Variants in PLA2R1 observed in about 807,000 individuals in gnomAD.
PLA2R1 encodes secretory phospholipase A2 receptor.
Under a neutral mutation model 195.9 loss-of-function variants are expected in PLA2R1, and 158 were observed. The ratio of observed to expected loss-of-function variants is 0.81; its 90% confidence interval spans 0.71 to 0.92. The LOEUF (loss-of-function observed/expected upper bound fraction) is 0.92. Among genes scored for constraint, PLA2R1 ranks in the 40% least tolerant of loss-of-function variants. The pLI is 0.00. For missense variants in PLA2R1, 1,626 were observed against 1,764.6 expected, an observed-to-expected ratio of 0.92 and a Z score of 1.41; for synonymous variants, 586 against 598.2, an observed-to-expected ratio of 0.98 and a Z score of 0.30.
At chr2:160,029,558 C>A (rs1255888161) in intron 4 of PLA2R1, among the ~76,000 whole-genome samples, 1 of 152,076 alleles carries the variant, frequency 6.6e-6, no homozygotes. Flanking sequence ...GTGGCCCCTC[C>A]TCTTAACCAG....
At chr2:160,054,007 C>T (rs1695382671) in intron 1 of PLA2R1, among the ~76,000 whole-genome samples, 1 of 152,228 alleles carries the variant, frequency 6.6e-6, no homozygotes, top group South Asian at 2.1e-4. Context: ...ATGAAGCTCT[C>T]CTTGTTTGCA....
chr2:160,003,357 T>C (rs1691735715), intron 11 of PLA2R1, among the ~76,000 whole-genome samples: 1 of 151,982 alleles, frequency 6.6e-6, no homozygotes, highest in Non-Finnish European at 1.5e-5. Context: ...CATTTATGTG[T>C]GACAAAACAT....
intron 4 of PLA2R1, 41 bp from the exon 5 acceptor site, chr2:160,029,004 G>T: frequency 2.8e-6 from 3 of 1,059,166 alleles, no homozygotes; most frequent in South Asian, 1.3e-5. Flanking sequence ...AAAATCCAGT[G>T]TTACACATCT....
At chr2:159,925,114 TG>T in the PLA2R1 span, among the ~76,000 whole-genome samples, 1 of 152,182 alleles carries the variant, frequency 6.6e-6, no homozygotes, top group Admixed American at 6.5e-5. Flanking sequence ...ATGTCAGCAA[TG>T]AATTTTCCAG....
chr2:160,036,977 T>C (rs1694204316), intron 3 of PLA2R1, among the ~76,000 whole-genome samples: 1 of 152,236 alleles, frequency 6.6e-6, no homozygotes, highest in Admixed American at 6.5e-5. Flanking sequence ...ACCTTCATTT[T>C]TGGCTTGTTG....
At chr2:159,957,180 T>G (rs905732159) in intron 20 of PLA2R1, among the ~76,000 whole-genome samples, 9 of 151,888 alleles carry the variant, frequency 5.9e-5, no homozygotes, top group Non-Finnish European at 8.8e-5. Context: ...ATGATCCCAG[T>G]GGGACAGAAA....
intron 11 of PLA2R1, among the ~76,000 whole-genome samples, chr2:160,002,724 C>T (rs4664305): frequency 0.61 from 92,743 of 151,750 alleles, 32,447 homozygotes; most frequent in Non-Finnish European, 0.78. Context: ...AAGCTTTGTA[C>T]TAGCAAACTA....
intron 4 of PLA2R1, among the ~76,000 whole-genome samples, chr2:160,030,972 T>A (rs572153159): frequency 6.6e-6 from 1 of 152,234 alleles, no homozygotes; most frequent in African/African-American, 2.4e-5. Context: ...AGATAGATAA[T>A]TGTAATTCAT....
At chr2:159,991,439 C>CTTTT (rs34466452) in intron 11 of PLA2R1, among the ~76,000 whole-genome samples, 1 of 136,022 alleles carries the variant, frequency 7.4e-6, no homozygotes, top group Admixed American at 7.3e-5. Context: ...CACTTTCTTT[C>CTTTT]TTTTTTTTTT....
intron 3 of PLA2R1, 80 bp from the exon 4 acceptor site, chr2:160,033,212 A>C: frequency 9.1e-7 from 1 of 1,099,664 alleles, no homozygotes; most frequent in Non-Finnish European, 1.3e-6. Flanking sequence ...GTCTGAATGG[A>C]ATTATTCCAT....
intron 12 of PLA2R1, among the ~76,000 whole-genome samples, chr2:159,984,311 A>G (rs1476406872): frequency 6.6e-6 from 1 of 152,164 alleles, no homozygotes; most frequent in Middle Eastern, 3.2e-3. Flanking sequence ...CAGTTTTATA[A>G]ATGAGCTTTT....
intron 13 of PLA2R1, 34 bp from the exon 14 acceptor site, chr2:159,979,948 C>G: frequency 7.6e-7 from 1 of 1,316,694 alleles, no homozygotes. Flanking sequence ...TTTGCCTTTC[C>G]CATCAAATTT....
chr2:160,027,956 CAG>C (rs771359318), intron 6 of PLA2R1, among the ~76,000 whole-genome samples: 47 of 152,250 alleles, frequency 3.1e-4, no homozygotes, highest in Admixed American at 9.2e-4. Context: ...GAATGACTAA[CAG>C]TGCAAATTTT....
chr2:160,026,013 T>C (rs764874110), intron 6 of PLA2R1, among the ~76,000 whole-genome samples: 1 of 152,198 alleles, frequency 6.6e-6, no homozygotes, highest in Non-Finnish European at 1.5e-5. Context: ...CTATAGTTGC[T>C]CTTGTCACAG....
At chr2:160,043,867 C>T (rs1262081490) in intron 2 of PLA2R1, among the ~76,000 whole-genome samples, 5 of 152,116 alleles carry the variant, frequency 3.3e-5, no homozygotes, top group Non-Finnish European at 5.9e-5. Flanking sequence ...TTCCCAGGAC[C>T]GTACAGAATT....
intron 6 of PLA2R1, 69 bp from the exon 7 acceptor site, chr2:160,022,928 T>G: frequency 9.5e-7 from 1 of 1,051,054 alleles, no homozygotes; most frequent in Non-Finnish European, 1.4e-6. Context: ...ACAGCTTATG[T>G]AAATTGCCAT....
At position 160,062,478 on chromosome 2, in the gene PLA2R1, A is replaced by T; in HGVS notation, c.-75T>A. The T allele has an allele frequency of 2.1e-6, 3 of 1,446,878 alleles. No homozygotes were observed. Among genetic ancestry groups the T allele is most frequent in the Non-Finnish European group, 2.7e-6 (3 of 1,103,720 alleles). 89.6% of individuals were successfully genotyped at this position (1,446,878 alleles called of 1,614,324 possible). A position where few individuals can be genotyped will look rare whatever the true frequency, so the allele number is the denominator to read the frequency against. Reference sequence around the variant, plus strand: ...CCCGGGAGCCCAGAGCCGCGTCCCAAGCACCCGGCCCCGCCGCGCGGAAGC... The same window carrying T: ...CCCGGGAGCCCAGAGCCGCGTCCCATGCACCCGGCCCCGCCGCGCGGAAGC... On this transcript the variant is annotated 5_prime_UTR_variant, in exon 1 of 30. The change creates a new upstream start codon in the 5' untranslated region. Coordinates refer to ENST00000283243, the MANE Select transcript of PLA2R1 (RefSeq NM_007366.5).
chr2:159,949,836 G>T, intron 24 of PLA2R1, 60 bp from the exon 25 acceptor site: 1 of 1,362,010 alleles, frequency 7.3e-7, no homozygotes, highest in Non-Finnish European at 1.0e-6. Context: ...ATCACCCAGT[G>T]TTATCTGAGC....
the PLA2R1 span, among the ~76,000 whole-genome samples, chr2:159,925,721 A>G: frequency 6.6e-6 from 1 of 152,186 alleles, no homozygotes; most frequent in Admixed American, 6.5e-5. Flanking sequence ...ATTTGGGGCA[A>G]ATTCCTGACC....
Sources: gnomAD v4.1 joint callset for allele counts (sites outside exome capture counted in the v4.1 genomes callset) on GRCh38, gnomAD v4.1.1 for gene constraint, MANE v1.5 for transcripts, NCBI Gene and HGNC (gene_info 2026-07-23, HGNC 2026-07-21) for gene names.